LRCH1: variants seen among roughly 807,000 people sequenced by gnomAD.
LRCH1 encodes leucine rich repeats and calponin homology domain containing 1.
Under a neutral mutation model 94.9 loss-of-function variants are expected in LRCH1, and 23 were observed. The ratio of observed to expected loss-of-function variants is 0.24; its 90% CI spans 0.17 to 0.34. The LOEUF is 0.34. Ranked by LOEUF, LRCH1 falls within the 10% of genes least tolerant of loss-of-function variation. The pLI, the probability that LRCH1 is intolerant of heterozygous loss-of-function variation, is 1.00. For missense variants in LRCH1, 790 were observed against 945.9 expected, an observed-to-expected ratio of 0.84 and a Z score of 2.16; for synonymous variants, 364 against 354.9, an observed-to-expected ratio of 1.03 and a Z score of -0.29.
chr13:46,741,535 G>A, intron 19 of LRCH1, 107 bp from the exon 20 acceptor site: 3 of 1,336,852 alleles, frequency 2.2e-6, no homozygotes, highest in Non-Finnish European at 3.2e-6. Context: ...GGTTACTCCT[G>A]CCATTTGCTA....
intron 1 of LRCH1, among the ~76,000 whole-genome samples, chr13:46,556,057 A>G (rs1368749921): frequency 6.6e-6 from 1 of 152,230 alleles, no homozygotes. Flanking sequence ...CTTGACTCAT[A>G]TTTACTTTAA....
chr13:46,699,744 C>T (rs912451605), intron 10 of LRCH1, among the ~76,000 whole-genome samples: 10 of 152,148 alleles, frequency 6.6e-5, no homozygotes, highest in African/African-American at 1.9e-4. Context: ...TGATCTGTAG[C>T]GCTGATCTCC....
exon 19 of LRCH1, chr13:46,750,561 C>T (rs1255961017): frequency 1.3e-6 from 2 of 1,551,562 alleles, no homozygotes; most frequent in Admixed American, 2.0e-5. Context: ...TCTCCCCCAC[C>T]ACATCCTTGA....
At chr13:46,623,714 C>CT (rs1196177553) in intron 1 of LRCH1, among the ~76,000 whole-genome samples, 223 of 91,090 alleles carry the variant, frequency 2.4e-3, no homozygotes, top group African/African-American at 4.1e-3. Flanking sequence ...TTTTCTTTTT[C>CT]TTTTTTTTTT....
At chr13:46,689,011 TG>T in intron 6 of LRCH1, 121 bp from the exon 7 acceptor site, 1 of 734,652 alleles carries the variant, frequency 1.4e-6, no homozygotes, top group Middle Eastern at 2.7e-4. Flanking sequence ...TGTTGCCTTA[TG>T]GTAATAATAA....
exon 19 of LRCH1, chr13:46,751,195 CTA>C (rs946846479): frequency 1.1e-4 from 16 of 151,982 alleles, no homozygotes; most frequent in Admixed American, 8.5e-4. Flanking sequence ...AATTAGGAAA[CTA>C]TTTTATTACT....
chr13:46,701,710 A>T (rs1047625664), intron 11 of LRCH1, among the ~76,000 whole-genome samples: 6 of 152,228 alleles, frequency 3.9e-5, no homozygotes, highest in African/African-American at 1.4e-4. Context: ...GATCGATAAT[A>T]GGCACTACAT....
intron 5 of LRCH1, among the ~76,000 whole-genome samples, chr13:46,687,392 A>C (rs1375043544): frequency 6.6e-6 from 1 of 152,244 alleles, no homozygotes; most frequent in Non-Finnish European, 1.5e-5. Context: ...CTATGCTTTC[A>C]GATGCTTAAC....
intron 2 of LRCH1, among the ~76,000 whole-genome samples, chr13:46,667,667 A>G (rs2051537038): frequency 6.6e-6 from 1 of 152,192 alleles, no homozygotes; most frequent in Non-Finnish European, 1.5e-5. Context: ...CCTAGAACTC[A>G]AAGTATAATT....
chr13:46,639,104 T>C (rs765026666), intron 1 of LRCH1, among the ~76,000 whole-genome samples: 2 of 152,234 alleles, frequency 1.3e-5, no homozygotes, highest in African/African-American at 2.4e-5. Context: ...AGAACATTTC[T>C]TTTATGGTTA....
chr13:46,666,078 C>T lies in LRCH1; in HGVS notation c.453-2952C>T, dbSNP rs887996049. Among the ~76,000 whole-genome samples the T allele has an allele frequency of 2.6e-5, 4 of 152,206 alleles. No homozygotes were observed. In the South Asian group the frequency reaches 8.3e-4, roughly 32 times the overall value. ...GGCTGAGGGAGCAGAGAGATGAAGT[C>T]GAAGAAATGTGCCCCAGGTCTGTGG... On this transcript the variant is annotated intron_variant, in intron 2 of 19. Transcript: ENST00000389797.
Position 46,590,912 on chromosome 13 carries a change from C to T in LRCH1, c.307+37209C>T, listed in dbSNP as rs545137796. On this transcript the variant is annotated intron_variant, in intron 1 of 19. Transcript: ENST00000389797. ...TGACTGTCCTTTTCTTTTTTCTTTTCGATTTCTCTTTTAGGAGCTGAGATG... is the reference window on the plus strand; with the variant it reads ...TGACTGTCCTTTTCTTTTTTCTTTTTGATTTCTCTTTTAGGAGCTGAGATG... Among the ~76,000 whole-genome samples the T allele has an allele frequency of 7.0e-4, 107 of 151,932 alleles. No homozygotes were observed. The East Asian group carries it at 8.1e-3, about 12-fold the overall frequency.
At chr13:46,675,794 G>GC (rs1179080708) in intron 3 of LRCH1, among the ~76,000 whole-genome samples, 1 of 152,108 alleles carries the variant, frequency 6.6e-6, no homozygotes, top group Non-Finnish European at 1.5e-5. Context: ...CTTGCGCAAG[G>GC]CCCTCTGTGC....
Position 46,685,919 on chromosome 13 carries a change from T to A in LRCH1, c.700T>A (p.Ser234Thr), listed in dbSNP as rs842381. Residue 234 changes from serine to threonine, a missense_variant, in exon 5 of 20, where the codon TCC becomes ACC. Coordinates refer to ENST00000389797, the MANE Select transcript of LRCH1 (RefSeq NM_001164211.2). The part of the protein sequence containing the change: ...KVLPQELVDL[S>T]LVKFDFSCNK... Reference sequence around the variant, plus strand: ...TATTATTTTAGAACTAGTAGATCTTTCCTTGGTAAAGTTTGACTTTTCCTG... The same window carrying A: ...TATTATTTTAGAACTAGTAGATCTTACCTTGGTAAAGTTTGACTTTTCCTG... 1 of 1,593,628 alleles carries A rather than the reference T, an allele frequency of 6.3e-7. No homozygotes were observed. Among genetic ancestry groups the A allele is most frequent in the Non-Finnish European group, 8.5e-7 (1 of 1,171,828 alleles).
At chr13:46,587,491 A>ATT in intron 1 of LRCH1, among the ~76,000 whole-genome samples, 1 of 152,244 alleles carries the variant, frequency 6.6e-6, no homozygotes, top group East Asian at 1.9e-4. Context: ...AAAAAACTTA[A>ATT]TAGAGTTTCT....
At chr13:46,633,650 GT>G (rs1302264813) in intron 1 of LRCH1, among the ~76,000 whole-genome samples, 1 of 152,084 alleles carries the variant, frequency 6.6e-6, no homozygotes, top group Non-Finnish European at 1.5e-5. Context: ...CTTTCCTCAT[GT>G]TTCACATTTT....
chr13:46,590,721 AG>A (rs2050489733), intron 1 of LRCH1, among the ~76,000 whole-genome samples: 1 of 152,200 alleles, frequency 6.6e-6, no homozygotes, highest in Non-Finnish European at 1.5e-5. Flanking sequence ...TGATGGGGAA[AG>A]GAATTTTCTG....
chr13:46,746,705 C>T (rs564374435), downstream of LRCH1, among the ~76,000 whole-genome samples: 135 of 152,284 alleles, frequency 8.9e-4, no homozygotes, highest in Non-Finnish European at 1.6e-3. Context: ...GGCCACTTTA[C>T]CTGCCTGATC....
chr13:46,554,136 A>G (rs1277302676), intron 1 of LRCH1, among the ~76,000 whole-genome samples: 1 of 152,248 alleles, frequency 6.6e-6, no homozygotes, highest in Non-Finnish European at 1.5e-5. Flanking sequence ...CGGCGCCTCC[A>G]ACCAGTTCAA....
Sources: gnomAD v4.1 joint callset for allele counts (sites outside exome capture counted in the v4.1 genomes callset) on GRCh38, gnomAD v4.1.1 for gene constraint, MANE v1.5 for transcripts, NCBI Gene and HGNC (gene_info 2026-07-23, HGNC 2026-07-21) for gene names.